The following ANGPT1 variants were observed in gnomAD, a reference collection of about 807,000 sequenced individuals.
ANGPT1 encodes the protein angiopoietin 1.
ANGPT1 carries 17 observed loss-of-function variants against 62.2 expected under a neutral mutation model. The observed-to-expected ratio is 0.27, with a 90% CI of 0.19 to 0.41. The LOEUF (loss-of-function observed/expected upper bound fraction) is 0.41. Among genes scored for constraint, ANGPT1 ranks in the 10% least tolerant of loss-of-function variants. The probability of loss-of-function intolerance (pLI) is 1.00; values close to 1 mark genes in which losing one functional copy is unlikely to be tolerated. For synonymous variants in ANGPT1, 199 were observed against 198.9 expected, an observed-to-expected ratio of 1.00 and a Z score of 0.00; for missense variants, 478 against 594.9, an observed-to-expected ratio of 0.80 and a Z score of 2.04.
intron 1 of ANGPT1, among the ~76,000 whole-genome samples, chr8:107,494,246 A>G (rs942344069): frequency 6.6e-6 from 1 of 152,168 alleles, no homozygotes; most frequent in Admixed American, 6.6e-5. Context: ...ACTTTTTGAG[A>G]TGTGGGAGAC....
At chr8:107,281,917 G>A (rs181148538) in intron 7 of ANGPT1, among the ~76,000 whole-genome samples, 1 of 152,036 alleles carries the variant, frequency 6.6e-6, no homozygotes, top group East Asian at 1.9e-4. Context: ...AAAGACACAC[G>A]CCAATTCAGA....
chr8:107,302,610 T>G (rs1380609068), intron 5 of ANGPT1, among the ~76,000 whole-genome samples: 1 of 151,946 alleles, frequency 6.6e-6, no homozygotes, highest in Non-Finnish European at 1.5e-5. Flanking sequence ...GATGGATGAT[T>G]TAATGAATAA....
intron 1 of ANGPT1, among the ~76,000 whole-genome samples, chr8:107,403,830 G>A (rs1817093573): frequency 6.6e-6 from 1 of 152,006 alleles, no homozygotes; most frequent in Non-Finnish European, 1.5e-5. Context: ...GCAGAGAGTT[G>A]AGTAGTGAAA....
At chr8:107,328,134 C>A (rs1304098503) in intron 3 of ANGPT1, among the ~76,000 whole-genome samples, 2 of 152,006 alleles carry the variant, frequency 1.3e-5, no homozygotes, top group Non-Finnish European at 2.9e-5. Context: ...ATAGAAACCT[C>A]ATTTTTATCT....
intron 1 of ANGPT1, among the ~76,000 whole-genome samples, chr8:107,419,216 G>A (rs1810831877): frequency 6.6e-6 from 1 of 152,054 alleles, no homozygotes; most frequent in African/African-American, 2.4e-5. Context: ...AGCCATTTGA[G>A]GAAACAGCAG....
At chr8:107,414,464 A>G (rs1473425776) in intron 1 of ANGPT1, among the ~76,000 whole-genome samples, 1 of 152,096 alleles carries the variant, frequency 6.6e-6, no homozygotes, top group African/African-American at 2.4e-5. Flanking sequence ...TACACTTATT[A>G]TTTTTCAGTT....
intron 1 of ANGPT1, among the ~76,000 whole-genome samples, chr8:107,372,943 C>T (rs1245000423): frequency 6.6e-6 from 1 of 151,884 alleles, no homozygotes; most frequent in East Asian, 1.9e-4. Flanking sequence ...TAACATGGGG[C>T]TAACAACACG....
chr8:107,362,693 A>G (rs1376523145), intron 1 of ANGPT1, among the ~76,000 whole-genome samples: 2 of 152,164 alleles, frequency 1.3e-5, no homozygotes, highest in Admixed American at 1.3e-4. Flanking sequence ...GTTTAATATG[A>G]GATGTGTTAT....
chr8:107,479,043 C>T (rs1314885034), intron 1 of ANGPT1, among the ~76,000 whole-genome samples: 4 of 151,846 alleles, frequency 2.6e-5, no homozygotes, highest in Non-Finnish European at 2.9e-5. Flanking sequence ...CAGAGGGTCC[C>T]GGATTGGAGT....
At chr8:107,432,583 G>A (rs1439217771) in intron 1 of ANGPT1, among the ~76,000 whole-genome samples, 2 of 150,510 alleles carry the variant, frequency 1.3e-5, no homozygotes, top group South Asian at 2.1e-4. Context: ...AGAATGGCGT[G>A]AACCCGGGAG....
At chr8:107,392,958 C>A (rs1816863697) in intron 1 of ANGPT1, among the ~76,000 whole-genome samples, 1 of 152,122 alleles carries the variant, frequency 6.6e-6, no homozygotes, top group Admixed American at 6.6e-5. Flanking sequence ...TTTGTCTAAT[C>A]TGAAGCCAAA....
intron 1 of ANGPT1, among the ~76,000 whole-genome samples, chr8:107,495,188 T>C (rs980687936): frequency 1.3e-5 from 2 of 152,158 alleles, no homozygotes; most frequent in African/African-American, 4.8e-5. Flanking sequence ...ACCAATCACA[T>C]TGACAATGAC....
chr8:107,313,498 G>A (rs1048475891), intron 4 of ANGPT1, among the ~76,000 whole-genome samples: 7 of 132,760 alleles, frequency 5.3e-5, no homozygotes, highest in African/African-American at 1.7e-4. Flanking sequence ...GGAGTGCAGC[G>A]GCGCAATCTC....
intron 1 of ANGPT1, among the ~76,000 whole-genome samples, chr8:107,352,005 A>G (rs184445082): frequency 6.6e-6 from 1 of 152,274 alleles, no homozygotes; most frequent in East Asian, 1.9e-4. Flanking sequence ...AGGGAAGTTA[A>G]GTAAACTGTC....
At chr8:107,388,748 G>C (rs1423323698) in intron 1 of ANGPT1, among the ~76,000 whole-genome samples, 1 of 152,088 alleles carries the variant, frequency 6.6e-6, no homozygotes, top group Non-Finnish European at 1.5e-5. Flanking sequence ...TGGCAGAGCC[G>C]AATTGATTGG....
chr8:107,491,810 A>G (rs949918606), intron 1 of ANGPT1, among the ~76,000 whole-genome samples: 1 of 152,194 alleles, frequency 6.6e-6, no homozygotes, highest in African/African-American at 2.4e-5. Flanking sequence ...AAGGGGGGAA[A>G]TGACATTCTT....
intron 5 of ANGPT1, chr8:107,294,306 T>C (rs760222544): frequency 8.6e-5 from 21 of 244,676 alleles, no homozygotes; most frequent in Non-Finnish European, 1.2e-4. Context: ...TCTCAGACTA[T>C]ACAACATTTT....
At chr8:107,337,063 A>C (rs1815585235) in intron 2 of ANGPT1, among the ~76,000 whole-genome samples, 1 of 152,198 alleles carries the variant, frequency 6.6e-6, no homozygotes, top group South Asian at 2.1e-4. Flanking sequence ...AGGTAATGCT[A>C]GCCTTTCCGG....
At chr8:107,428,442 C>T (rs888937364) in intron 1 of ANGPT1, among the ~76,000 whole-genome samples, 13 of 152,104 alleles carry the variant, frequency 8.5e-5, no homozygotes, top group African/African-American at 3.1e-4. Flanking sequence ...TCCTAAAAGA[C>T]CCATCCAAAC....
Sources: gnomAD v4.1 joint callset for allele counts (sites outside exome capture counted in the v4.1 genomes callset) on GRCh38, gnomAD v4.1.1 for gene constraint, MANE v1.5 for transcripts, NCBI Gene and HGNC (gene_info 2026-07-23, HGNC 2026-07-21) for gene names.